CCDC85A: variants seen among roughly 807,000 people sequenced by gnomAD.
The protein encoded by CCDC85A is coiled-coil domain containing 85A, also known as coiled-coil domain-containing protein 85A.
CCDC85A carries 38 observed loss-of-function variants against 50.2 expected under a neutral mutation model. That is an observed-to-expected ratio of 0.76 (90% CI 0.58 to 0.99). CCDC85A has a LOEUF of 0.99. Ranked by LOEUF, CCDC85A falls within the 50% of genes least tolerant of loss-of-function variation. The probability of loss-of-function intolerance (pLI) is 0.00; values close to 1 mark genes in which losing one functional copy is unlikely to be tolerated. For missense variants in CCDC85A, 820 were observed against 742.0 expected (o/e 1.11, Z -1.22); for synonymous variants, 366 against 301.4 (o/e 1.21, Z -2.22).
intron 1 of CCDC85A, among the ~76,000 whole-genome samples, chr2:56,191,728 A>G (rs560419629): frequency 9.2e-4 from 140 of 152,326 alleles, no homozygotes; most frequent in African/African-American, 3.1e-3. Context: ...GTTGCTTGAG[A>G]TAAGTGAGAG....
intron 4 of CCDC85A, among the ~76,000 whole-genome samples, chr2:56,373,182 C>G (rs1676167862): frequency 6.6e-6 from 1 of 152,148 alleles, no homozygotes; most frequent in Non-Finnish European, 1.5e-5. Context: ...TCACCAGGCA[C>G]TTGGTTACCT....
intron 2 of CCDC85A, among the ~76,000 whole-genome samples, chr2:56,332,060 T>G (rs1228663818): frequency 2.0e-5 from 3 of 151,900 alleles, no homozygotes; most frequent in Non-Finnish European, 2.9e-5. Flanking sequence ...ACCCCTCCAC[T>G]GGGGTGGGAT....
chr2:56,270,137 G>T (rs1213326246), intron 2 of CCDC85A, among the ~76,000 whole-genome samples: 1 of 152,154 alleles, frequency 6.6e-6, no homozygotes, highest in African/African-American at 2.4e-5. Context: ...CTGGATTGTT[G>T]ATTTGCTCCT....
intron 2 of CCDC85A, among the ~76,000 whole-genome samples, chr2:56,228,452 A>G (rs1220316921): frequency 1.3e-5 from 2 of 152,136 alleles, no homozygotes; most frequent in Non-Finnish European, 2.9e-5. Flanking sequence ...TACTTTTATT[A>G]TTGCTAGTAT....
At chr2:56,377,752 G>A (rs1460454344) in intron 5 of CCDC85A, among the ~76,000 whole-genome samples, 1 of 152,096 alleles carries the variant, frequency 6.6e-6, no homozygotes, top group Non-Finnish European at 1.5e-5. Context: ...GCAGGGTGTG[G>A]TGGCAGGCAC....
chr2:56,256,019 A>G (rs1227016408), intron 2 of CCDC85A, among the ~76,000 whole-genome samples: 2 of 152,156 alleles, frequency 1.3e-5, no homozygotes, highest in African/African-American at 4.8e-5. Flanking sequence ...AGATGTACAT[A>G]TCCTATGTAG....
At chr2:56,305,915 T>C (rs893707481) in intron 2 of CCDC85A, among the ~76,000 whole-genome samples, 2 of 152,204 alleles carry the variant, frequency 1.3e-5, no homozygotes, top group East Asian at 1.9e-4. Flanking sequence ...AATGTGAAGA[T>C]TGACACATTT....
At chr2:56,372,235 T>C (rs1676109431) in intron 3 of CCDC85A, 109 bp from the exon 4 acceptor site, 2 of 1,097,194 alleles carry the variant, frequency 1.8e-6, no homozygotes, top group Non-Finnish European at 1.2e-6. Flanking sequence ...CAGCTTGCCA[T>C]TGTGGTCATT....
intron 2 of CCDC85A, among the ~76,000 whole-genome samples, chr2:56,279,248 T>TA (rs907834494): frequency 2.4e-4 from 36 of 152,236 alleles, no homozygotes; most frequent in Non-Finnish European, 4.6e-4. Context: ...ACAGGCTTTT[T>TA]AAAAAAAATT....
At position 56,192,321 on chromosome 2, in the gene CCDC85A, G is replaced by A. The variant is rs1676331170; in HGVS notation, c.277-156G>A. Among the ~76,000 whole-genome samples, 1 of 152,060 alleles carries A rather than the reference G, an allele frequency of 6.6e-6. No individual in the cohort carries two copies. On this transcript the variant is annotated intron_variant, in intron 1 of 5. Transcript: ENST00000407595. This position sits in a 1 kb window ranked among gnomAD's most constrained non-coding sequence, Gnocchi z 4.7. ...TACTTAAGTTAGTTTAATTTTTATG[G>A]ACAGCTACAAATCTTCAGCTTCCTC...
At chr2:56,359,383 C>T (rs1303711190) in intron 3 of CCDC85A, among the ~76,000 whole-genome samples, 4 of 152,134 alleles carry the variant, frequency 2.6e-5, no homozygotes, top group African/African-American at 7.2e-5. Flanking sequence ...GTTGTGATAT[C>T]GTCGAATAGG....
At chr2:56,227,999 C>G (rs1047324290) in intron 2 of CCDC85A, among the ~76,000 whole-genome samples, 1 of 152,180 alleles carries the variant, frequency 6.6e-6, no homozygotes, top group Non-Finnish European at 1.5e-5. Flanking sequence ...GTTTCACAAT[C>G]GCAGAAATGA....
At chr2:56,271,232 G>A (rs552160474) in intron 2 of CCDC85A, among the ~76,000 whole-genome samples, 18 of 152,318 alleles carry the variant, frequency 1.2e-4, no homozygotes, top group Admixed American at 4.6e-4. Context: ...TTGGTCTTCA[G>A]TAGGGATCAG....
upstream of CCDC85A, chr2:56,183,931 G>C (rs910022730): frequency 2.0e-6 from 2 of 985,270 alleles, no homozygotes; most frequent in African/African-American, 3.5e-5. Flanking sequence ...GAGCTGCTGC[G>C]GGTTACGGGT....
chr2:56,309,657 A>G (rs182781995), intron 2 of CCDC85A, among the ~76,000 whole-genome samples: 3 of 152,294 alleles, frequency 2.0e-5, no homozygotes, highest in African/African-American at 7.2e-5. Flanking sequence ...GGACAGTCAC[A>G]TTTAGAAAAC....
At chr2:56,257,006 A>G (rs745738805) in intron 2 of CCDC85A, among the ~76,000 whole-genome samples, 13 of 151,958 alleles carry the variant, frequency 8.6e-5, no homozygotes, top group Non-Finnish European at 1.5e-4. Context: ...GGAACATTCA[A>G]CTGAAGTCCA....
intron 2 of CCDC85A, among the ~76,000 whole-genome samples, chr2:56,216,268 A>G (rs951529139): frequency 3.9e-5 from 6 of 151,908 alleles, no homozygotes; most frequent in Non-Finnish European, 8.8e-5. Flanking sequence ...CAATGTGTCC[A>G]TCTTCAGCTT....
At chr2:56,333,752 T>C (rs1358400944) in intron 2 of CCDC85A, among the ~76,000 whole-genome samples, 1 of 152,100 alleles carries the variant, frequency 6.6e-6, no homozygotes, top group Non-Finnish European at 1.5e-5. Flanking sequence ...AAGTGGGGTG[T>C]GAGAGAGAGG....
intron 2 of CCDC85A, among the ~76,000 whole-genome samples, chr2:56,280,333 A>G (rs745670205): frequency 6.6e-6 from 1 of 152,184 alleles, no homozygotes. Context: ...AGAGCAATTT[A>G]GATCTTATTT....
Sources: gnomAD v4.1 joint callset for allele counts (sites outside exome capture counted in the v4.1 genomes callset) on GRCh38, gnomAD v4.1.1 for gene constraint, Gnocchi (gnomAD v3.1) non-coding constraint, MANE v1.5 for transcripts, NCBI Gene and HGNC (gene_info 2026-07-23, HGNC 2026-07-21) for gene names.